The following ZNF684 variants were observed in gnomAD, a reference collection of about 807,000 sequenced individuals.
ZNF684 encodes hypothetical protein MGC27466.
A neutral mutation model predicts 12.8 loss-of-function variants in ZNF684; 13 were observed. That is an observed-to-expected ratio of 1.02 (90% CI 0.66 to 1.62). The LOEUF is 1.62. Among genes scored for constraint, ZNF684 ranks in the 40% most tolerant of loss-of-function variants. ZNF684 has a pLI of 0.00. For missense variants in ZNF684, 384 were observed against 446.9 expected (o/e 0.86, Z 1.27); for synonymous variants, 118 against 151.8 (o/e 0.78, Z 1.64).
intron 3 of ZNF684, 29 bp downstream of exon 3, chr1:40,540,741 T>C: frequency 1.3e-6 from 2 of 1,563,178 alleles, no homozygotes; most frequent in Non-Finnish European, 1.7e-6. Context: ...AACTTTTCAG[T>C]GTAATTCAGT....
chr1:40,539,833 G>C (rs6675973), intron 2 of ZNF684, among the ~76,000 whole-genome samples: 71,864 of 151,262 alleles, frequency 0.48, 18,420 homozygotes, highest in African/African-American at 0.65. Context: ...CAGATACATA[G>C]ATACATACAT....
At chr1:40,533,910 A>G (rs1361949312) in intron 2 of ZNF684, among the ~76,000 whole-genome samples, 2 of 140,514 alleles carry the variant, frequency 1.4e-5, no homozygotes, top group African/African-American at 2.7e-5. Context: ...TGCAACCTCT[A>G]CCTCCCAGGT....
chr1:40,540,512 A>G, intron 2 of ZNF684, 74 bp from the exon 3 acceptor site: 1 of 1,442,094 alleles, frequency 6.9e-7, no homozygotes, highest in Non-Finnish European at 9.3e-7. Flanking sequence ...TATGATATTA[A>G]GGAGCTGCCT....
intron 4 of ZNF684, among the ~76,000 whole-genome samples, chr1:40,542,616 T>C (rs1275174160): frequency 3.3e-5 from 5 of 152,218 alleles, no homozygotes; most frequent in African/African-American, 1.2e-4. Context: ...ATGCCAACTC[T>C]AGCATCTTTG....
rs760649229 is a variant in ZNF684, at chr1:40,546,709, G to GA, written c.393dup (p.Ser132IlefsTer3). On this transcript the variant is annotated frameshift_variant, in exon 5 of 5. Coordinates refer to ENST00000372699, the MANE Select transcript of ZNF684 (RefSeq NM_152373.4). LOFTEE classifies it low-confidence loss of function (END_TRUNC). ...ATGAGCACAAGTCTTAATCCAATGA[G>GA]AAAAAAATCATATAAATCGTTTGAG... The GA allele has an allele frequency of 5.6e-6, 9 of 1,613,506 alleles. No individual in the cohort carries two copies. The African/African-American group carries it at 8.0e-5, about 14-fold the overall frequency.
intron 4 of ZNF684, among the ~76,000 whole-genome samples, chr1:40,544,209 C>CAAA (rs2124511786): frequency 6.6e-6 from 1 of 151,856 alleles, no homozygotes; most frequent in East Asian, 1.9e-4. Context: ...AAAATGTTAC[C>CAAA]TGAAAAGGTT....
At chr1:40,533,364 T>A (rs1645967568) in intron 2 of ZNF684, among the ~76,000 whole-genome samples, 183 bp downstream of exon 2, 2 of 152,240 alleles carry the variant, frequency 1.3e-5, no homozygotes, top group South Asian at 4.1e-4. Flanking sequence ...AAATTTGAGC[T>A]GCAAATGTGT....
intron 4 of ZNF684, among the ~76,000 whole-genome samples, chr1:40,543,126 C>A (rs1646025395): frequency 6.6e-6 from 1 of 152,144 alleles, no homozygotes; most frequent in South Asian, 2.1e-4. Flanking sequence ...GCCTCAGCTT[C>A]CCAAGCAGCT....
chr1:40,546,465 C>A, intron 4 of ZNF684, 97 bp from the exon 5 acceptor site: 1 of 1,212,964 alleles, frequency 8.2e-7, no homozygotes, highest in Non-Finnish European at 1.1e-6. Context: ...AGATTTCTTT[C>A]AGAATGAGAT....
chr1:40,541,826 ACATAACAT>A, intron 4 of ZNF684, 116 bp downstream of exon 4: 1 of 757,102 alleles, frequency 1.3e-6, no homozygotes, highest in Non-Finnish European at 2.2e-6. Context: ...CACACCTTTA[ACATAACAT>A]CATCAGCCAG....
rs775525083 is a variant in ZNF684, at chr1:40,546,646, AT to A, written c.324del (p.Asn108LysfsTer4). ...TTGAAGTCAGTTTTGCTCACATTCA[AT>A]AAAATTCTGACTATGGAGAGAATCC... ...NFLKSVLLTF[N>X]KILTMERIHH... On this transcript the variant is annotated frameshift_variant, in exon 5 of 5. Transcript: ENST00000372699. LOFTEE classifies it low-confidence loss of function (END_TRUNC). 6.2e-7 allele frequency: 1 copy of A among 1,602,154 alleles called. No individual in the cohort carries two copies. Among genetic ancestry groups the A allele is most frequent in the Admixed American group, 1.8e-5 (1 of 56,586 alleles).
At chr1:40,537,455 G>A (rs1215981243) in intron 2 of ZNF684, among the ~76,000 whole-genome samples, 1 of 152,134 alleles carries the variant, frequency 6.6e-6, no homozygotes, top group Non-Finnish European at 1.5e-5. Flanking sequence ...AGTATATACA[G>A]TCAGCCAGGT....
chr1:40,542,769 C>T (rs774509902), intron 4 of ZNF684, among the ~76,000 whole-genome samples: 60 of 152,322 alleles, frequency 3.9e-4, no homozygotes, highest in South Asian at 1.9e-3. Flanking sequence ...CTCAAAACCA[C>T]TGCATTAAGC....
In ZNF684 at chr1:40,547,544, A is replaced by G. The variant is rs1646056377; in HGVS notation, c.*84A>G. 5.5e-6 allele frequency: 7 copies of G among 1,263,792 alleles called. No individual in the cohort carries two copies. The South Asian group carries it at 6.7e-5, about 12-fold the overall frequency. The allele number at this position is 1,263,792 out of a possible 1,614,324, so 78.3% of individuals were successfully genotyped here. ...CTAAAGAATTCATGGTGAGAAGTCT[A>G]CAATTTAAATGAATTTGGAAGAGTA... is the stretch of plus-strand genomic sequence containing the variant. On this transcript the variant is annotated 3_prime_UTR_variant, in exon 5 of 5. Transcript: ENST00000372699.
chr1:40,543,250 A>C (rs1448770711), intron 4 of ZNF684, among the ~76,000 whole-genome samples: 1 of 152,302 alleles, frequency 6.6e-6, no homozygotes, highest in East Asian at 1.9e-4. Flanking sequence ...TTTACATTAG[A>C]TATTTCTACA....
In ZNF684 at chr1:40,547,987, A is replaced by G. The variant is rs1323799055; in HGVS notation, c.*527A>G. The stretch of plus-strand genomic sequence containing the variant: ...TTCTGAATCTGAGTCTCCTTTAATT[A>G]TACAAGTGAAGACTTCTTATTAAAA... On this transcript the variant is annotated 3_prime_UTR_variant, in exon 5 of 5. Coordinates refer to ENST00000372699, the MANE Select transcript of ZNF684 (RefSeq NM_152373.4). 6.6e-6 allele frequency: 1 copy of G among 152,264 alleles called. No individual in the cohort carries two copies. Among genetic ancestry groups the G allele is most frequent in the African/African-American group, 2.4e-5 (1 of 41,464 alleles). 9.4% of individuals were successfully genotyped at this position (152,264 alleles called of 1,614,324 possible). A position where few individuals can be genotyped will look rare whatever the true frequency, so the allele number is the denominator to read the frequency against.
chr1:40,534,236 A>AT lies in ZNF684; in HGVS notation c.15+1077dup, dbSNP rs556340597. ...GTTTTCTTATAGGTCTTTTATTATA[A>AT]TTTTTTTTTTTTTTTTTTTTTTGAG... On this transcript the variant is annotated intron_variant, in intron 2 of 4. Transcript: ENST00000372699. 1.0e-2 allele frequency among the ~76,000 whole-genome samples: 1,023 copies of AT among 102,592 alleles called. 20 individuals carry two copies. Among genetic ancestry groups the AT allele is most frequent in the East Asian group, 0.069 (221 of 3,220 alleles). The allele number at this position is 102,592 out of a possible 152,430, so 67.3% of individuals were successfully genotyped here. A position where few individuals can be genotyped will look rare whatever the true frequency, so the allele number is the denominator to read the frequency against.
Position 40,546,746 on chromosome 1 carries a change from A to C in ZNF684, c.423A>C (p.Pro141=), listed in dbSNP as rs771796505. ...ATAAATCGTTTGAGAAGTGTTTGCC[A>C]CCTAATTTAGACTTACTTAAATATA... ...KSYKSFEKCL[P]PNLDLLKYNR... The change falls in exon 5 of 5, where the codon CCA becomes CCC. Residue 141 remains proline, a synonymous_variant. Transcript: ENST00000372699. The C allele has an allele frequency of 1.8e-5, 29 of 1,613,936 alleles. No individual in the cohort carries two copies. The highest frequency in any genetic ancestry group is 2.5e-5 in the Non-Finnish European group (29 of 1,179,968).
chr1:40,546,606 A>C lies in ZNF684; in HGVS notation c.283A>C (p.Ser95Arg). Residue 95 changes from serine to arginine, a missense_variant, in exon 5 of 5, where the codon AGC (serine) becomes CGC (arginine). Transcript: ENST00000372699. ...LVDEPGKHRE[S>R]KDNFLKSVLL... Reference sequence around the variant, plus strand: ...TGATGAACCAGGGAAGCATCGGGAAAGCAAAGACAATTTTTTGAAGTCAGT... The same window carrying C: ...TGATGAACCAGGGAAGCATCGGGAACGCAAAGACAATTTTTTGAAGTCAGT... 9 of 1,585,032 alleles carry C rather than the reference A, an allele frequency of 5.7e-6. 1 individual carries two copies. The highest frequency in any genetic ancestry group is 7.7e-6 in the Non-Finnish European group (9 of 1,167,950).
Sources: gnomAD v4.1 joint callset for allele counts (sites outside exome capture counted in the v4.1 genomes callset) on GRCh38, gnomAD v4.1.1 for gene constraint, MANE v1.5 for transcripts, NCBI Gene and HGNC (gene_info 2026-07-23, HGNC 2026-07-21) for gene names.